The following AUTS2 variants were observed in gnomAD, a reference collection of about 807,000 sequenced individuals.
AUTS2 encodes the protein activator of transcription and developmental regulator AUTS2.
Under a neutral mutation model 112.4 loss-of-function variants are expected in AUTS2, and 17 were observed. The observed-to-expected ratio is 0.15, with a 90% CI of 0.10 to 0.23. The LOEUF (loss-of-function observed/expected upper bound fraction) is 0.23. Ranked by LOEUF, AUTS2 falls within the 10% of genes least tolerant of loss-of-function variation. The pLI, the probability that AUTS2 is intolerant of heterozygous loss-of-function variation, is 1.00. For synonymous variants in AUTS2, 751 were observed against 702.7 expected, an observed-to-expected ratio of 1.07 and a Z score of -1.09; for missense variants, 1,510 against 1,701.6, an observed-to-expected ratio of 0.89 and a Z score of 1.98.
intron 17 of AUTS2, 70 bp downstream of exon 17, chr7:70,786,108 A>G (rs1312958308): frequency 2.2e-6 from 3 of 1,349,930 alleles, no homozygotes; most frequent in Non-Finnish European, 3.2e-6. Context: ...ATGGCTCAAG[A>G]CCTTTCTAGA....
intron 5 of AUTS2, among the ~76,000 whole-genome samples, chr7:70,585,084 T>C (rs929360932): frequency 6.6e-6 from 1 of 152,232 alleles, no homozygotes; most frequent in African/African-American, 2.4e-5. Context: ...CTGAGGGGTG[T>C]GTTGGTAACC....
chr7:69,744,687 A>AG (rs896914628), intron 1 of AUTS2, among the ~76,000 whole-genome samples: 2 of 150,008 alleles, frequency 1.3e-5, no homozygotes, highest in African/African-American at 4.9e-5. Context: ...AAAAAAAAAA[A>AG]TTAGCCGATG....
rs75829836 is a variant in AUTS2, at chr7:70,529,923, C to T, written c.690+94142C>T. ...GGTCAGTCTAGAAAATTAGAATTTG[C>T]TTGGGGGAAAAATATGTTCTGGAAA... is the stretch of plus-strand genomic sequence containing the variant. On this transcript the variant is annotated intron_variant, in intron 5 of 18. Transcript: ENST00000342771. 2.0e-5 allele frequency among the ~76,000 whole-genome samples: 3 copies of T among 152,228 alleles called. No homozygotes were observed. In the East Asian group the frequency reaches 5.8e-4, roughly 29 times the overall value.
chr7:69,660,292 G>C (rs1002791197), intron 1 of AUTS2, among the ~76,000 whole-genome samples: 1 of 152,162 alleles, frequency 6.6e-6, no homozygotes, highest in Non-Finnish European at 1.5e-5. Flanking sequence ...GCTTTTTATA[G>C]CAGCTTTCAT....
At chr7:70,288,390 A>G (rs1788561160) in intron 4 of AUTS2, among the ~76,000 whole-genome samples, 1 of 152,198 alleles carries the variant, frequency 6.6e-6, no homozygotes, top group East Asian at 1.9e-4. Flanking sequence ...CGACAGAGCA[A>G]GACTCCGTCT....
At position 69,900,527 on chromosome 7, in the gene AUTS2, G is replaced by C. The variant is rs189430861; in HGVS notation, c.522+1029G>C. 3.5e-3 allele frequency among the ~76,000 whole-genome samples: 533 copies of C among 152,262 alleles called. 2 individuals are homozygous for C. Among genetic ancestry groups the C allele is most frequent in the African/African-American group, 0.012 (508 of 41,558 alleles). ...ACCTAAATTTCTGGCCCCTCTTTAG[G>C]ACCTAATGACATTTGTAGTTTTAGA... On this transcript the variant is annotated intron_variant, in intron 2 of 18. Transcript: ENST00000342771.
chr7:70,009,352 C>T (rs1799691495), intron 2 of AUTS2, among the ~76,000 whole-genome samples: 1 of 152,166 alleles, frequency 6.6e-6, no homozygotes, highest in South Asian at 2.1e-4. Flanking sequence ...AACACACAAA[C>T]TTTGGGGACA....
At chr7:70,361,369 A>C (rs1458606686) in intron 4 of AUTS2, among the ~76,000 whole-genome samples, 3 of 152,004 alleles carry the variant, frequency 2.0e-5, no homozygotes, top group Admixed American at 2.0e-4. Context: ...ATCAAGTCAG[A>C]TAATGACGAT....
At chr7:70,390,053 T>C (rs1192254990) in intron 4 of AUTS2, among the ~76,000 whole-genome samples, 1 of 152,216 alleles carries the variant, frequency 6.6e-6, no homozygotes, top group Non-Finnish European at 1.5e-5. Flanking sequence ...ATGTGCTTTC[T>C]TATTGTTTTG....
At chr7:70,696,478 C>T (rs188211915) in intron 5 of AUTS2, among the ~76,000 whole-genome samples, 194 of 152,334 alleles carry the variant, frequency 1.3e-3, no homozygotes, top group Admixed American at 3.1e-3. Context: ...CGAAGATACA[C>T]TCCTAAGCCT....
intron 1 of AUTS2, among the ~76,000 whole-genome samples, chr7:69,812,512 C>G (rs1280809885): frequency 2.0e-5 from 3 of 152,144 alleles, no homozygotes; most frequent in Non-Finnish European, 1.5e-5. Flanking sequence ...GAAGGTGATG[C>G]TGTGAAATTT....
At chr7:70,730,588 T>C (rs1206789831) in intron 6 of AUTS2, among the ~76,000 whole-genome samples, 1 of 152,258 alleles carries the variant, frequency 6.6e-6, no homozygotes, top group Non-Finnish European at 1.5e-5. Context: ...TATCAGCATT[T>C]CATTTTTAAT....
intron 5 of AUTS2, among the ~76,000 whole-genome samples, chr7:70,633,865 C>T (rs75701553): frequency 0.075 from 11,429 of 152,166 alleles, 569 homozygotes; most frequent in East Asian, 0.2. Flanking sequence ...AACACACATT[C>T]ACAGATAAAT....
chr7:70,457,673 A>G (rs2131154478), intron 5 of AUTS2, among the ~76,000 whole-genome samples: 1 of 152,228 alleles, frequency 6.6e-6, no homozygotes, highest in East Asian at 1.9e-4. Context: ...AGGGAGTGGA[A>G]TTTACCATGG....
chr7:70,122,865 CTTTTTTTTTT>C (rs11297258), intron 3 of AUTS2, among the ~76,000 whole-genome samples: 1 of 93,084 alleles, frequency 1.1e-5, no homozygotes, highest in Non-Finnish European at 2.1e-5. Context: ...GAGATGAAAG[CTTTTTTTTTT>C]TTTTTTTTTT....
chr7:70,481,522 A>G (rs1180273097), intron 5 of AUTS2, among the ~76,000 whole-genome samples: 2 of 152,142 alleles, frequency 1.3e-5, no homozygotes, highest in Non-Finnish European at 2.9e-5. Flanking sequence ...CCTAGATTCA[A>G]CACATCCCTG....
intron 1 of AUTS2, among the ~76,000 whole-genome samples, chr7:69,785,027 A>C (rs974547268): frequency 3.3e-5 from 5 of 152,130 alleles, no homozygotes; most frequent in African/African-American, 7.2e-5. Flanking sequence ...AATACTATGA[A>C]AGGAAAAAAA....
At chr7:70,561,466 A>G (rs965113510) in intron 5 of AUTS2, among the ~76,000 whole-genome samples, 1 of 152,026 alleles carries the variant, frequency 6.6e-6, no homozygotes, top group African/African-American at 2.4e-5. Context: ...CTCTACAAAA[A>G]TTTTTTTTAA....
chr7:70,652,740 G>C (rs1479451523), intron 5 of AUTS2, among the ~76,000 whole-genome samples: 1 of 151,698 alleles, frequency 6.6e-6, no homozygotes, highest in Non-Finnish European at 1.5e-5. Flanking sequence ...AAAAAAGAAT[G>C]GTTTTATTGG....
Sources: allele counts gnomAD v4.1 joint callset (sites outside exome capture counted in the v4.1 genomes callset), GRCh38; gene constraint gnomAD v4.1.1; transcripts MANE v1.5; gene names NCBI Gene and HGNC (gene_info 2026-07-23, HGNC 2026-07-21).